Variants in AK9 observed in about 807,000 individuals in gnomAD.
AK9 encodes adenylate kinase 9.
AK9 carries 191 observed loss-of-function variants against 239.6 expected under a neutral mutation model. The observed-to-expected ratio is 0.80, with a 90% CI of 0.71 to 0.90. The LOEUF is 0.90. AK9 is among the 40% of genes least tolerant of loss of function. The pLI is 0.00. For missense variants in AK9, 1,995 were observed against 2,214.7 expected, an observed-to-expected ratio of 0.90 and a Z score of 1.99; for synonymous variants, 689 against 721.0, an observed-to-expected ratio of 0.96 and a Z score of 0.71.
intron 6 of AK9, among the ~76,000 whole-genome samples, chr6:109,659,906 A>G: frequency 6.6e-6 from 1 of 152,212 alleles, no homozygotes; most frequent in East Asian, 1.9e-4. Context: ...CTGAAAGATC[A>G]TCTATTCTAG....
chr6:109,604,378 G>A (rs539127175), intron 17 of AK9, among the ~76,000 whole-genome samples: 10 of 152,082 alleles, frequency 6.6e-5, no homozygotes, highest in East Asian at 3.9e-4. Context: ...TCATTTTTAC[G>A]TTTAACTATT....
chr6:109,671,386 GTCTTGA>G (rs1770861635), intron 5 of AK9, among the ~76,000 whole-genome samples: 1 of 152,028 alleles, frequency 6.6e-6, no homozygotes, highest in Admixed American at 6.6e-5. Flanking sequence ...AGTGGTCTTT[GTCTTGA>G]AAAATTAGAT....
chr6:109,529,767 C>T (rs1024325993), intron 28 of AK9, among the ~76,000 whole-genome samples: 13 of 152,070 alleles, frequency 8.5e-5, no homozygotes, highest in African/African-American at 2.2e-4. Context: ...ATTAACAATA[C>T]GGTTTGTGCT....
chr6:109,588,440 T>C (rs562774664), intron 17 of AK9, among the ~76,000 whole-genome samples: 1 of 152,222 alleles, frequency 6.6e-6, no homozygotes, highest in East Asian at 1.9e-4. Context: ...TTTAATGGGG[T>C]TATTTGTTTT....
In AK9 at chr6:109,614,274, C is replaced by T; in HGVS notation, c.1518G>A (p.Arg506=). The change falls in exon 15 of 41, where the codon AGG becomes AGA. Residue 506 remains arginine, a synonymous_variant. Transcript: ENST00000424296. ...TGTCCACTAAAGAGCTGCCTCTGTC[C>T]CTTTGGGAGCCTTGAATGTACCCTG... ...DEEGYIQGSQ[R]DRGSSLVDTE... The T allele has an allele frequency of 5.8e-6, 9 of 1,551,312 alleles. No homozygotes were observed. The highest frequency in any genetic ancestry group is 7.8e-6 in the Non-Finnish European group (9 of 1,146,730).
chr6:109,615,603 G>A (rs1370804013), intron 13 of AK9, among the ~76,000 whole-genome samples: 1 of 152,072 alleles, frequency 6.6e-6, no homozygotes, highest in East Asian at 1.9e-4. Flanking sequence ...TGCAATTTCA[G>A]TGCTGGTCTT....
chr6:109,499,275 A>AT, intron 35 of AK9, 35 bp from the exon 36 acceptor site: 1 of 1,367,100 alleles, frequency 7.3e-7, no homozygotes, highest in East Asian at 2.7e-5. Context: ...TCATGTATAT[A>AT]TTTTTCATAG....
At chr6:109,581,032 T>G (rs576915692) in intron 19 of AK9, among the ~76,000 whole-genome samples, 6 of 152,254 alleles carry the variant, frequency 3.9e-5, no homozygotes, top group Non-Finnish European at 7.3e-5. Flanking sequence ...TGGCCTTTGA[T>G]GTTACTATTA....
At chr6:109,541,945 A>G in intron 27 of AK9, 102 bp downstream of exon 27, 2 of 1,040,148 alleles carry the variant, frequency 1.9e-6, no homozygotes, top group Non-Finnish European at 2.7e-6. Flanking sequence ...ACATGAATAT[A>G]AAGGAGAAAG....
In AK9 at chr6:109,657,619, A is replaced by G. The variant is rs561157069; in HGVS notation, c.631-735T>C. ...CAACATGCAGGTTTGTTACATATGT[A>G]TACACGTGCCATGTTGGTGTGCTTC... is the stretch of plus-strand genomic sequence containing the variant. On this transcript the variant is annotated intron_variant, in intron 7 of 40. Transcript: ENST00000424296. Among the ~76,000 whole-genome samples the G allele has an allele frequency of 6.6e-5, 10 of 151,438 alleles. No individual in the cohort carries two copies. In the South Asian group the frequency reaches 2.1e-3, roughly 32 times the overall value.
chr6:109,612,805 A>T (rs1793730558), intron 15 of AK9, among the ~76,000 whole-genome samples: 1 of 151,986 alleles, frequency 6.6e-6, no homozygotes, highest in African/African-American at 2.4e-5. Context: ...TACATTATTT[A>T]ACAAAATAAA....
intron 12 of AK9, among the ~76,000 whole-genome samples, chr6:109,620,762 T>C (rs12211805): frequency 0.58 from 87,577 of 150,752 alleles, 27,076 homozygotes; most frequent in South Asian, 0.84. Context: ...TGGTATACTA[T>C]ATACACATAA....
At chr6:109,635,299 G>T (rs1050495944) in intron 10 of AK9, among the ~76,000 whole-genome samples, 1 of 152,140 alleles carries the variant, frequency 6.6e-6, no homozygotes, top group Non-Finnish European at 1.5e-5. Flanking sequence ...GCAAAGATAG[G>T]TATGGGAGGG....
Position 109,497,825 on chromosome 6 carries a change from A to G in AK9, c.5187T>C (p.Cys1729=), listed in dbSNP as rs1777229440. The part of the protein sequence containing the change: ...FPKCAELQGY[C]PVTYKDGNQR... ...GGTTTCCATCCTTATAGGTCACTGGACAGTAGCCCTGGAGCTCCGCACACT... is the reference window on the plus strand; with the variant it reads ...GGTTTCCATCCTTATAGGTCACTGGGCAGTAGCCCTGGAGCTCCGCACACT... The change falls in exon 37 of 41, where the codon TGT becomes TGC. Residue 1729 remains cysteine, a synonymous_variant. Transcript: ENST00000424296. 6.2e-7 allele frequency: 1 copy of G among 1,613,788 alleles called. No homozygotes were observed. Among genetic ancestry groups the G allele is most frequent in the Non-Finnish European group, 8.5e-7 (1 of 1,179,860 alleles).
At chr6:109,609,967 G>T (rs1793376092) in intron 17 of AK9, among the ~76,000 whole-genome samples, 1 of 152,078 alleles carries the variant, frequency 6.6e-6, no homozygotes, top group African/African-American at 2.4e-5. Context: ...GTTCAAGTTG[G>T]TTGGATGAAA....
intron 29 of AK9, among the ~76,000 whole-genome samples, chr6:109,518,904 T>C (rs1779540076): frequency 6.6e-6 from 1 of 152,098 alleles, no homozygotes; most frequent in Admixed American, 6.6e-5. Flanking sequence ...GTATGATTGA[T>C]TGTGTCACCC....
At chr6:109,651,535 A>C (rs904596672) in intron 8 of AK9, among the ~76,000 whole-genome samples, 8 of 152,224 alleles carry the variant, frequency 5.3e-5, no homozygotes, top group Non-Finnish European at 1.2e-4. Context: ...AAACAAATTC[A>C]AAAGCTAGCA....
intron 29 of AK9, 72 bp downstream of exon 29, chr6:109,528,939 A>T: frequency 6.4e-7 from 1 of 1,573,506 alleles, no homozygotes. Context: ...GTGAGCTATG[A>T]TTGTGCCACT....
intron 12 of AK9, among the ~76,000 whole-genome samples, chr6:109,630,173 T>C (rs1795968047): frequency 6.6e-6 from 1 of 152,256 alleles, no homozygotes; most frequent in East Asian, 1.9e-4. Context: ...AAAAATGATA[T>C]TACCTAGGAT....
Sources: allele counts gnomAD v4.1 joint callset (sites outside exome capture counted in the v4.1 genomes callset), GRCh38; gene constraint gnomAD v4.1.1; transcripts MANE v1.5; gene names NCBI Gene and HGNC (gene_info 2026-07-23, HGNC 2026-07-21).